The following CSMD1 variants were observed in gnomAD, a reference collection of about 807,000 sequenced individuals.
The protein encoded by CSMD1 is CUB and Sushi multiple domains 1.
Under a neutral mutation model 417.5 loss-of-function variants are expected in CSMD1, and 213 were observed. The observed-to-expected ratio is 0.51, with a 90% CI of 0.46 to 0.57. The LOEUF is 0.57. Among genes scored for constraint, CSMD1 ranks in the 20% least tolerant of loss-of-function variants. The pLI is 0.00. For missense variants in CSMD1, 6,923 were observed against 4,529.7 expected, an observed-to-expected ratio of 1.53 and a Z score of -15.17; for synonymous variants, 2,862 against 1,736.8, an observed-to-expected ratio of 1.65 and a Z score of -16.11.
At chr8:4,625,654 T>C (rs79713630) in intron 2 of CSMD1, among the ~76,000 whole-genome samples, 1 of 151,912 alleles carries the variant, frequency 6.6e-6, no homozygotes, top group African/African-American at 2.4e-5. Flanking sequence ...TAAAAAAAAA[T>C]GTGAAAACCC....
chr8:4,051,075 C>G (rs1055430271), intron 3 of CSMD1, among the ~76,000 whole-genome samples: 5 of 151,984 alleles, frequency 3.3e-5, no homozygotes, highest in African/African-American at 4.8e-5. Flanking sequence ...TTGAAGCGCA[C>G]TGCCCTGAGT....
At chr8:4,799,324 T>A (rs1237923794) in intron 1 of CSMD1, among the ~76,000 whole-genome samples, 2 of 152,102 alleles carry the variant, frequency 1.3e-5, no homozygotes, top group Non-Finnish European at 2.9e-5. Context: ...TAATTTATAA[T>A]CAAAGACATG....
intron 6 of CSMD1, among the ~76,000 whole-genome samples, chr8:3,711,871 C>G (rs1236070931): frequency 1.3e-5 from 2 of 152,124 alleles, no homozygotes; most frequent in Admixed American, 6.6e-5. Context: ...GAACTCAACG[C>G]AAATGTCACT....
chr8:3,728,081 C>T (rs1397312894), intron 6 of CSMD1, among the ~76,000 whole-genome samples: 53 of 152,064 alleles, frequency 3.5e-4, no homozygotes, highest in Admixed American at 3.5e-3. Context: ...GTGTCCGCAC[C>T]CAAATCTCAT....
intron 3 of CSMD1, among the ~76,000 whole-genome samples, chr8:4,238,157 G>A (rs147415662): frequency 6.6e-6 from 1 of 152,148 alleles, no homozygotes; most frequent in Non-Finnish European, 1.5e-5. Flanking sequence ...TCCAGTCCTG[G>A]AATCCCAAAG....
At position 3,151,529 on chromosome 8, in the gene CSMD1, G is replaced by C. The variant is rs753072288; in HGVS notation, c.5915-16C>G. The C allele has an allele frequency of 4.6e-6, 7 of 1,535,978 alleles. No individual in the cohort carries two copies. The highest frequency in any genetic ancestry group is 1.7e-4 in the Middle Eastern group (1 of 5,932). On this transcript the variant is annotated splice_polypyrimidine_tract_variant and intron_variant, in intron 39 of 69. Transcript: ENST00000635120. ...CCACAGGTTGCTGTTAAGTGGACAA[G>C]ATGTCAGTCCTGCAGGTCCTCACTT... is the stretch of plus-strand genomic sequence containing the variant.
chr8:3,666,986 T>C (rs954506843), intron 7 of CSMD1, among the ~76,000 whole-genome samples: 1 of 152,184 alleles, frequency 6.6e-6, no homozygotes, highest in Non-Finnish European at 1.5e-5. Flanking sequence ...GCTCGAATTT[T>C]AGCAGAAAGA....
intron 10 of CSMD1, among the ~76,000 whole-genome samples, chr8:3,528,612 C>G (rs1350801162): frequency 1.3e-5 from 2 of 152,136 alleles, no homozygotes; most frequent in Admixed American, 1.3e-4. Flanking sequence ...TTTCAAAATA[C>G]AAATTTATAT....
intron 6 of CSMD1, among the ~76,000 whole-genome samples, chr8:3,710,876 G>T (rs933831794): frequency 2.0e-5 from 3 of 152,062 alleles, no homozygotes; most frequent in South Asian, 2.1e-4. Context: ...TTCCACGTGG[G>T]CTACTGGCTG....
intron 6 of CSMD1, among the ~76,000 whole-genome samples, chr8:3,722,964 C>A (rs1316973304): frequency 2.6e-5 from 4 of 152,164 alleles, no homozygotes; most frequent in African/African-American, 9.7e-5. Flanking sequence ...AACTTAAGAG[C>A]TTAAAGCAGC....
chr8:4,936,106 A>C (rs929371225), intron 1 of CSMD1, among the ~76,000 whole-genome samples: 2 of 152,220 alleles, frequency 1.3e-5, no homozygotes, highest in African/African-American at 4.8e-5. Flanking sequence ...AGGTAATTAC[A>C]GTTATAAAAA....
chr8:3,043,868 A>G (rs1474723747), intron 50 of CSMD1: 2 of 152,430 alleles, frequency 1.3e-5, no homozygotes, highest in Admixed American at 6.6e-5. Context: ...TAATTAAATA[A>G]TGTCATTCTC....
At chr8:3,837,164 CTGTTCACATCA>C (rs1802765970) in intron 5 of CSMD1, among the ~76,000 whole-genome samples, 1 of 151,574 alleles carries the variant, frequency 6.6e-6, no homozygotes, top group South Asian at 2.1e-4. Context: ...AAAAAAAAAT[CTGTTCACATCA>C]GTTTCACAGT....
At chr8:3,893,345 A>ATATATATATATATATATATATATG (rs1554476833) in intron 5 of CSMD1, among the ~76,000 whole-genome samples, 4 of 127,318 alleles carry the variant, frequency 3.1e-5, no homozygotes, top group African/African-American at 1.1e-4. Context: ...AATTTTATAT[A>ATATATATATATATATATATATATG]TATATATATA....
intron 68 of CSMD1, among the ~76,000 whole-genome samples, chr8:2,945,142 G>A (rs867701984): frequency 2.0e-5 from 3 of 152,194 alleles, no homozygotes; most frequent in Middle Eastern, 6.8e-3. Flanking sequence ...TAATATAAAG[G>A]AAAATTAAAA....
intron 1 of CSMD1, among the ~76,000 whole-genome samples, chr8:4,808,156 G>A (rs1041668839): frequency 3.3e-5 from 5 of 152,164 alleles, no homozygotes; most frequent in African/African-American, 7.2e-5. Context: ...CGATTCCGGC[G>A]GTGTGGAGTC....
chr8:4,645,720 G>A (rs143942300), intron 1 of CSMD1, among the ~76,000 whole-genome samples: 1 of 152,132 alleles, frequency 6.6e-6, no homozygotes, highest in Non-Finnish European at 1.5e-5. Flanking sequence ...TATTTAGCTA[G>A]AGGGCCTCCT....
chr8:4,186,100 G>C (rs1798660309), intron 3 of CSMD1, among the ~76,000 whole-genome samples: 4 of 152,136 alleles, frequency 2.6e-5, no homozygotes. Flanking sequence ...CACCCTCTTT[G>C]ATTGGGCCAT....
intron 3 of CSMD1, among the ~76,000 whole-genome samples, chr8:4,215,076 A>G (rs916202191): frequency 9.2e-5 from 14 of 152,170 alleles, no homozygotes; most frequent in African/African-American, 3.4e-4. Context: ...AACCAACGAA[A>G]TACAAACAAT....
Sources: allele counts gnomAD v4.1 joint callset (sites outside exome capture counted in the v4.1 genomes callset), GRCh38; gene constraint gnomAD v4.1.1; transcripts MANE v1.5; gene names NCBI Gene and HGNC (gene_info 2026-07-23, HGNC 2026-07-21).